Variants in IFT52 observed in about 807,000 individuals in gnomAD.
The protein encoded by IFT52 is intraflagellar transport 52, also known as intraflagellar transport protein 52 homolog.
In IFT52, 44 loss-of-function variants were observed where a neutral mutation model predicts 54.4. The ratio of observed to expected loss-of-function variants is 0.81; its 90% CI spans 0.63 to 1.04. IFT52 has a LOEUF of 1.04. Ranked by LOEUF, IFT52 falls within the 50% of genes least tolerant of loss-of-function variation. The probability of loss-of-function intolerance (pLI) is 0.00; values close to 1 mark genes in which losing one functional copy is unlikely to be tolerated. For missense variants in IFT52, 452 were observed against 523.6 expected, an observed-to-expected ratio of 0.86 and a Z score of 1.33; for synonymous variants, 181 against 185.3, an observed-to-expected ratio of 0.98 and a Z score of 0.19.
chr20:43,642,445 A>G (rs777878277), intron 12 of IFT52, 34 bp from the exon 13 acceptor site: 4 of 1,602,618 alleles, frequency 2.5e-6, no homozygotes, highest in Admixed American at 3.4e-5. Flanking sequence ...GCAGAAGTTA[A>G]GAATTAATCT....
intron 3 of IFT52, 29 bp from the exon 4 acceptor site, chr20:43,603,731 T>G: frequency 6.2e-7 from 1 of 1,604,612 alleles, no homozygotes; most frequent in African/African-American, 1.3e-5. Flanking sequence ...TTCAAGTATA[T>G]TCATAGATTG....
At chr20:43,620,805 G>A in intron 8 of IFT52, 52 bp from the exon 9 acceptor site, 1 of 1,335,508 alleles carries the variant, frequency 7.5e-7, no homozygotes. Context: ...CTGACCTTCA[G>A]CTTTTTCAAA....
At chr20:43,640,311 T>C (rs574038965) in intron 12 of IFT52, among the ~76,000 whole-genome samples, 50 of 151,988 alleles carry the variant, frequency 3.3e-4, no homozygotes, top group African/African-American at 1.2e-3. Context: ...AAATAAAAAA[T>C]TAGCCAGGCA....
chr20:43,596,943 A>G (rs1219512169), intron 3 of IFT52, among the ~76,000 whole-genome samples: 2 of 151,430 alleles, frequency 1.3e-5, no homozygotes, highest in Non-Finnish European at 2.9e-5. Context: ...GGGTCTCACC[A>G]TATTGGCCAG....
At chr20:43,618,883 G>A in intron 7 of IFT52, 57 bp from the exon 8 acceptor site, 1 of 1,098,862 alleles carries the variant, frequency 9.1e-7, no homozygotes. Flanking sequence ...CTGGGTACTA[G>A]GATACATGAG....
intron 9 of IFT52, among the ~76,000 whole-genome samples, chr20:43,622,660 ATATGTAAATATAAATATATACATATTT>A (rs1568767562): frequency 4.4e-4 from 64 of 145,914 alleles, no homozygotes; most frequent in African/African-American, 9.7e-4. Context: ...TATATATTTT[ATATGTAAATATAAATATATACATATTT>A]TATGTAAATA....
rs763167169 is a variant in IFT52, at chr20:43,604,959, CA to C, written c.414-40del. The C allele has an allele frequency of 9.4e-6, 15 of 1,602,528 alleles. No homozygotes were observed. The East Asian group carries it at 3.1e-4, about 34-fold the overall frequency. On this transcript the variant is annotated intron_variant, in intron 5 of 13. Coordinates refer to ENST00000373030, the MANE Select transcript of IFT52 (RefSeq NM_016004.5). ...ACTAATGAATGCAGTGTGAAATTCT[CA>C]AATTTTTTTTGTTTACTAGATTTTA...
At chr20:43,609,901 A>G (rs1983284387) in intron 6 of IFT52, among the ~76,000 whole-genome samples, 1 of 151,434 alleles carries the variant, frequency 6.6e-6, no homozygotes, top group African/African-American at 2.4e-5. Context: ...GTGAGCCAAA[A>G]TCGCACCACT....
At chr20:43,622,081 T>C (rs1165552866) in intron 9 of IFT52, among the ~76,000 whole-genome samples, 1 of 152,182 alleles carries the variant, frequency 6.6e-6, no homozygotes, top group Non-Finnish European at 1.5e-5. Flanking sequence ...TTTCTTAAAC[T>C]CTGAAATGTC....
rs191430760 is a variant in IFT52 at position 43,610,027 on chromosome 20, C to T, written c.486-3823C>T. Reference sequence around the variant, plus strand: ...AGAAGTACTTAAAGAAGCCCAGGTACGATGACTCATGCCTGTAATCCCAGC... The same window carrying T: ...AGAAGTACTTAAAGAAGCCCAGGTATGATGACTCATGCCTGTAATCCCAGC... On this transcript the variant is annotated intron_variant, in intron 6 of 13. Transcript: ENST00000373030. 5.8e-4 allele frequency among the ~76,000 whole-genome samples: 88 copies of T among 151,782 alleles called. 1 individual carries two copies. The highest frequency in any genetic ancestry group is 1.8e-3 in the African/African-American group (73 of 41,456).
intron 10 of IFT52, among the ~76,000 whole-genome samples, chr20:43,628,714 G>T (rs776058760): frequency 1.3e-5 from 2 of 152,150 alleles, no homozygotes; most frequent in Non-Finnish European, 2.9e-5. Context: ...AGCCGAGCTT[G>T]GTGGTGCGCG....
intron 12 of IFT52, among the ~76,000 whole-genome samples, chr20:43,641,513 C>T (rs1245730381): frequency 6.6e-6 from 1 of 151,134 alleles, no homozygotes; most frequent in Non-Finnish European, 1.5e-5. Flanking sequence ...GCTGGGATTA[C>T]AGATGTGAGC....
chr20:43,619,016 G>A lies in IFT52; in HGVS notation c.689G>A (p.Ser230Asn), dbSNP rs778085022. The A allele has an allele frequency of 6.2e-7, 1 of 1,606,606 alleles. No individual in the cohort carries two copies. Residue 230 changes from serine (S) to asparagine (N), a missense_variant, in exon 8 of 14, where the codon AGC (serine) becomes AAC (asparagine). Physicochemically the swap from Ser to Asn is conservative, Grantham distance 46. Transcript: ENST00000373030. ...CAATATTTGGACAAAGAAGAAAACA[G>A]CAAAATCATGGTAAGCTTTTTCTTT... Reference protein sequence around the residue: ...SDQYLDKEENSKIMDVVFQWL... With the variant: ...SDQYLDKEENNKIMDVVFQWL...
rs11403788 is a variant in IFT52 at position 43,626,022 on chromosome 20, GAA to G, written c.923+1997_923+1998del. On this transcript the variant is annotated intron_variant, in intron 10 of 13. Transcript: ENST00000373030. Reference sequence around the variant, plus strand: ...TCAACAGAGAGAGATCTTGTCTCCGGAAAAAAAAAAAAAAAAAAAAAGTTGCA... The same window carrying G: ...TCAACAGAGAGAGATCTTGTCTCCGGAAAAAAAAAAAAAAAAAAAGTTGCA... 3.1e-5 allele frequency among the ~76,000 whole-genome samples: 3 copies of G among 96,676 alleles called. No individual in the cohort carries two copies. In the South Asian group the frequency reaches 1.4e-3, roughly 44 times the overall value. 63.4% of individuals were successfully genotyped at this position (96,676 alleles called of 152,430 possible).
At chr20:43,633,225 C>T (rs1057222407) in intron 10 of IFT52, among the ~76,000 whole-genome samples, 2 of 151,882 alleles carry the variant, frequency 1.3e-5, no homozygotes, top group South Asian at 4.2e-4. Context: ...TGCCTGTAAT[C>T]CCAGCTACTC....
chr20:43,612,421 G>C (rs750029172), intron 6 of IFT52, among the ~76,000 whole-genome samples: 5 of 151,986 alleles, frequency 3.3e-5, no homozygotes, highest in African/African-American at 2.4e-5. Flanking sequence ...GGCCAGGCCC[G>C]GTGGTTTATG....
intron 6 of IFT52, among the ~76,000 whole-genome samples, chr20:43,609,876 G>A (rs1983281896): frequency 6.6e-6 from 1 of 151,388 alleles, no homozygotes; most frequent in African/African-American, 2.4e-5. Context: ...TTGAACCCAG[G>A]AGGCAGAGGT....
At chr20:43,645,137 G>A (rs183443710) in intron 13 of IFT52, among the ~76,000 whole-genome samples, 692 of 57,942 alleles carry the variant, frequency 0.012, 270 homozygotes, top group African/African-American at 0.033. Flanking sequence ...GAATACATTC[G>A]TGATACAGTA....
chr20:43,601,920 A>T (rs1024206953), intron 3 of IFT52, among the ~76,000 whole-genome samples: 17 of 152,140 alleles, frequency 1.1e-4, no homozygotes, highest in Non-Finnish European at 2.1e-4. Context: ...TTTACTAAGG[A>T]TCTGTTACAC....
Sources: gnomAD v4.1 joint callset for allele counts (sites outside exome capture counted in the v4.1 genomes callset) on GRCh38, gnomAD v4.1.1 for gene constraint, MANE v1.5 for transcripts, NCBI Gene and HGNC (gene_info 2026-07-23, HGNC 2026-07-21) for gene names.